CELF2: variants seen among roughly 807,000 people sequenced by gnomAD.
CELF2 encodes the protein CUG triplet repeat RNA-binding protein 2.
Under a neutral mutation model 62.6 loss-of-function variants are expected in CELF2, and 8 were observed. The observed-to-expected ratio is 0.13, with a 90% CI of 0.07 to 0.23. CELF2 has a LOEUF of 0.23. Ranked by LOEUF, CELF2 falls within the 10% of genes least tolerant of loss-of-function variation. The pLI is 1.00. For synonymous variants in CELF2, 258 were observed against 250.0 expected, an observed-to-expected ratio of 1.03 and a Z score of -0.30; for missense variants, 333 against 671.0, an observed-to-expected ratio of 0.50 and a Z score of 5.56.
In CELF2 at chr10:11,214,657, T is replaced by TGAAC. The variant is rs1213597552; in HGVS notation, c.272-2766_272-2763dup. On this transcript the variant is annotated intron_variant, in intron 2 of 12. Transcript: ENST00000633077. This position sits in a 1 kb window ranked among gnomAD's most constrained non-coding sequence, Gnocchi z 4.2. ...GGGCTCAGCTCTTGGGTCGGACAGA[T>TGAAC]GAACGGTAAGGCACATTAGCAGTGT... Among the ~76,000 whole-genome samples the TGAAC allele has an allele frequency of 1.3e-5, 2 of 152,190 alleles. No individual in the cohort carries two copies. The highest frequency in any genetic ancestry group is 4.8e-5 in the African/African-American group (2 of 41,446).
chr10:11,078,381 C>G (rs901072846), intron 1 of CELF2, among the ~76,000 whole-genome samples: 1 of 152,184 alleles, frequency 6.6e-6, no homozygotes, highest in Non-Finnish European at 1.5e-5. Flanking sequence ...GGAATGAATT[C>G]ACTGCTTTTC....
At chr10:10,799,273 A>G (rs775348033) in intron 1 of CELF2, among the ~76,000 whole-genome samples, 2 of 152,072 alleles carry the variant, frequency 1.3e-5, no homozygotes, top group Non-Finnish European at 2.9e-5. Context: ...TGAGGTCAGG[A>G]GTTCGAGACC....
chr10:10,699,139 C>T, the CELF2 span, among the ~76,000 whole-genome samples: 2 of 151,940 alleles, frequency 1.3e-5, no homozygotes, highest in African/African-American at 4.8e-5. Flanking sequence ...ACAAGTAAAA[C>T]AGTAGATGTA....
chr10:11,264,571 T>G (rs1251487403), intron 5 of CELF2, among the ~76,000 whole-genome samples: 1 of 152,264 alleles, frequency 6.6e-6, no homozygotes, highest in Non-Finnish European at 1.5e-5. Flanking sequence ...TAAAAATCTC[T>G]TAGTGTTATT....
chr10:10,812,961 C>T (rs1032174911), intron 1 of CELF2, among the ~76,000 whole-genome samples: 18 of 152,198 alleles, frequency 1.2e-4, no homozygotes, highest in African/African-American at 4.3e-4. Flanking sequence ...GATTGCCCAA[C>T]TATAAAATTG....
At chr10:10,810,658 G>A (rs562958911) in intron 1 of CELF2, among the ~76,000 whole-genome samples, 203 of 152,220 alleles carry the variant, frequency 1.3e-3, no homozygotes, top group African/African-American at 4.7e-3. Context: ...GATGGAGACC[G>A]GCAGAAGGAG....
At chr10:10,901,678 A>G (rs72772030) in intron 1 of CELF2, among the ~76,000 whole-genome samples, 3,613 of 152,248 alleles carry the variant, frequency 0.024, 56 homozygotes, top group Non-Finnish European at 0.036. Context: ...TTTTTTTAAA[A>G]CTCATTTTAT....
intron 9 of CELF2, among the ~76,000 whole-genome samples, chr10:11,294,744 C>T (rs572413586): frequency 1.3e-5 from 2 of 151,988 alleles, no homozygotes; most frequent in Admixed American, 6.6e-5. Flanking sequence ...AACCCAGTCT[C>T]GACTAAAACT....
chr10:10,593,141 G>A, the CELF2 span, among the ~76,000 whole-genome samples: 3 of 152,172 alleles, frequency 2.0e-5, no homozygotes, highest in East Asian at 5.8e-4. Context: ...TGAGCAAGGA[G>A]TGGAGAGACA....
chr10:10,706,644 G>C, the CELF2 span, among the ~76,000 whole-genome samples: 1 of 152,174 alleles, frequency 6.6e-6, no homozygotes, highest in Non-Finnish European at 1.5e-5. Flanking sequence ...AAGGGCCCAA[G>C]TTTTCCAAAA....
At chr10:10,665,417 A>T in the CELF2 span, among the ~76,000 whole-genome samples, 1 of 152,118 alleles carries the variant, frequency 6.6e-6, no homozygotes, top group African/African-American at 2.4e-5. Flanking sequence ...TATATATATA[A>T]ATGTATGTGT....
the CELF2 span, among the ~76,000 whole-genome samples, chr10:10,618,589 T>A: frequency 6.6e-6 from 1 of 152,080 alleles, no homozygotes; most frequent in Admixed American, 6.5e-5. Context: ...AAATGGCCTC[T>A]CATTCGTCTC....
At position 11,244,311 on chromosome 10, in the gene CELF2, T is replaced by C. The variant is rs1464062486; in HGVS notation, c.355-4842T>C. Among the ~76,000 whole-genome samples the C allele has an allele frequency of 2.0e-5, 3 of 152,378 alleles. No homozygotes were observed. The highest frequency in any genetic ancestry group is 6.5e-5 in the Admixed American group (1 of 15,308). ...TCCAGCCTATGAACATATCCCTCAC[T>C]GTTAGTCTTGTGCTTTAGGTGTCTT... is the stretch of plus-strand genomic sequence containing the variant. On this transcript the variant is annotated intron_variant, in intron 3 of 12. Coordinates refer to ENST00000633077, the MANE Select transcript of CELF2 (RefSeq NM_001326342.2). This position sits in a 1 kb window ranked among gnomAD's most constrained non-coding sequence, Gnocchi z 4.2.
chr10:10,762,046 A>C, the CELF2 span, among the ~76,000 whole-genome samples: 1 of 152,014 alleles, frequency 6.6e-6, no homozygotes, highest in Non-Finnish European at 1.5e-5. Flanking sequence ...ATGAATTTGA[A>C]AACCCTGAGC....
the CELF2 span, among the ~76,000 whole-genome samples, chr10:10,607,712 C>T: frequency 3.3e-5 from 5 of 152,274 alleles, no homozygotes; most frequent in Admixed American, 2.6e-4. Flanking sequence ...TTAGATTCAG[C>T]GTTTGCCCAA....
At chr10:10,633,591 C>G in the CELF2 span, among the ~76,000 whole-genome samples, 18 of 152,084 alleles carry the variant, frequency 1.2e-4, no homozygotes, top group South Asian at 1.5e-3. Context: ...TTTATTTTGT[C>G]ACTTTTTTGT....
At chr10:11,122,797 T>C (rs890569869) in intron 1 of CELF2, among the ~76,000 whole-genome samples, 1 of 152,228 alleles carries the variant, frequency 6.6e-6, no homozygotes, top group Non-Finnish European at 1.5e-5. Context: ...CTTACCTTCT[T>C]GGACAGAAAC....
chr10:10,513,063 C>T, the CELF2 span, among the ~76,000 whole-genome samples: 1 of 152,208 alleles, frequency 6.6e-6, no homozygotes, highest in Non-Finnish European at 1.5e-5. Context: ...GGATCACCCA[C>T]TCCTTCACTG....
the CELF2 span, among the ~76,000 whole-genome samples, chr10:10,765,148 C>T: frequency 6.6e-6 from 1 of 152,108 alleles, no homozygotes; most frequent in Non-Finnish European, 1.5e-5. Flanking sequence ...GACAGTGTGT[C>T]CAGGGCAGGA....
Sources: gnomAD v4.1 joint callset for allele counts (sites outside exome capture counted in the v4.1 genomes callset) on GRCh38, gnomAD v4.1.1 for gene constraint, Gnocchi (gnomAD v3.1) non-coding constraint, MANE v1.5 for transcripts, NCBI Gene and HGNC (gene_info 2026-07-23, HGNC 2026-07-21) for gene names.